Variants in MTR observed in about 807,000 individuals in gnomAD.
The protein encoded by MTR is 5-methyltetrahydrofolate-homocysteine methyltransferase, also known as methionine synthase.
In MTR, 84 loss-of-function variants were observed where a neutral mutation model predicts 154.8. That is an observed-to-expected ratio of 0.54 (90% CI 0.45 to 0.65). MTR has a LOEUF of 0.65. MTR is among the 30% of genes least tolerant of loss of function. The probability of loss-of-function intolerance (pLI) is 0.00; values close to 1 mark genes in which losing one functional copy is unlikely to be tolerated. For synonymous variants in MTR, 554 were observed against 553.9 expected, an observed-to-expected ratio of 1.00 and a Z score of 0.00; for missense variants, 1,275 against 1,570.2, an observed-to-expected ratio of 0.81 and a Z score of 3.18.
intron 5 of MTR, chr1:236,811,614 T>C: frequency 2.2e-6 from 1 of 456,274 alleles, no homozygotes; most frequent in Non-Finnish European, 4.4e-6. Context: ...CATACCAGGC[T>C]TATGTGTTGT....
At chr1:236,886,416 T>A (rs777949740) in intron 27 of MTR, 49 bp downstream of exon 27, 4 of 1,564,672 alleles carry the variant, frequency 2.6e-6, no homozygotes, top group Non-Finnish European at 3.5e-6. Context: ...TAACTGACAG[T>A]GTGCTGAGGA....
chr1:236,871,324 A>G (rs1472337679), intron 22 of MTR, among the ~76,000 whole-genome samples: 2 of 115,216 alleles, frequency 1.7e-5, no homozygotes, highest in African/African-American at 6.7e-5. Flanking sequence ...TGAACTTATC[A>G]CCCACAACTC....
At chr1:236,860,986 A>G (rs1403973588) in intron 19 of MTR, 139 bp from the exon 20 acceptor site, 1 of 690,436 alleles carries the variant, frequency 1.4e-6, no homozygotes, top group Non-Finnish European at 2.4e-6. Context: ...AGGAAGCCAG[A>G]TTGAGTCCAT....
rs1667010546 is a variant in MTR, at chr1:236,903,511, CTT to C, written c.*5870_*5871del. On this transcript the variant is annotated 3_prime_UTR_variant, in exon 33 of 33. Transcript: ENST00000366577. ...CCTTGCTTTTAAGTATTATTATAGA[CTT>C]TTGGAGACTCACGAAACAAGCAATC... 1 of 152,150 alleles carries C rather than the reference CTT, an allele frequency of 6.6e-6. No homozygotes were observed. The highest frequency in any genetic ancestry group is 1.5e-5 in the Non-Finnish European group (1 of 68,032). The allele number at this position is 152,150 out of a possible 1,614,324, so 9.4% of individuals were successfully genotyped here. A position where few individuals can be genotyped will look rare whatever the true frequency, so the allele number is the denominator to read the frequency against.
At chr1:236,852,302 T>C (rs150401726) in intron 16 of MTR, among the ~76,000 whole-genome samples, 3 of 152,140 alleles carry the variant, frequency 2.0e-5, no homozygotes, top group Non-Finnish European at 4.4e-5. Context: ...TTAGGGAGAT[T>C]GGAGTCTAGT....
intron 8 of MTR, among the ~76,000 whole-genome samples, chr1:236,817,300 T>C (rs1426303197): frequency 1.3e-5 from 2 of 151,984 alleles, no homozygotes; most frequent in Non-Finnish European, 2.9e-5. Flanking sequence ...CCCTTCCCCC[T>C]TTCCCCCCTT....
Position 236,795,504 on chromosome 1 carries a change from C to T in MTR, c.-200C>T. 6.6e-7 allele frequency: 1 copy of T among 1,522,466 alleles called. No homozygotes were observed. Among genetic ancestry groups the T allele is most frequent in the Non-Finnish European group, 8.8e-7 (1 of 1,137,984 alleles). 94.3% of individuals were successfully genotyped at this position (1,522,466 alleles called of 1,614,324 possible). ...TGCTCCAGCAGTTGCCGCGCCCAGC[C>T]CCGAGAGAGGCCCTAGGGCGCTGCG... On this transcript the variant is annotated 5_prime_UTR_variant, in exon 1 of 33. Coordinates refer to ENST00000366577, the MANE Select transcript of MTR (RefSeq NM_000254.3).
chr1:236,900,013 A>G lies in MTR; in HGVS notation c.*2369A>G, dbSNP rs1666849635. 9.1e-6 allele frequency: 2 copies of G among 219,230 alleles called. No individual in the cohort carries two copies. The highest frequency in any genetic ancestry group is 1.3e-4 in the South Asian group (2 of 15,682). 13.6% of individuals were successfully genotyped at this position (219,230 alleles called of 1,614,324 possible). A position where few individuals can be genotyped will look rare whatever the true frequency, so the allele number is the denominator to read the frequency against. ...CTGCTTTAAAAAACAATTATCCCTT[A>G]CAGACTTGAACATTTGCAGACGTTA... On this transcript the variant is annotated 3_prime_UTR_variant, in exon 33 of 33. Coordinates refer to ENST00000366577, the MANE Select transcript of MTR (RefSeq NM_000254.3).
rs377011275 is a variant in MTR, at chr1:236,881,550, G to A, written c.2676+714G>A. Among the ~76,000 whole-genome samples, 70 of 151,850 alleles carry A rather than the reference G, an allele frequency of 4.6e-4. 1 individual carries two copies. The highest frequency in any genetic ancestry group is 1.3e-4 in the Non-Finnish European group (9 of 67,958). On this transcript the variant is annotated intron_variant, in intron 25 of 32. Coordinates refer to ENST00000366577, the MANE Select transcript of MTR (RefSeq NM_000254.3). ...AAGACGTCACTTACCGTCCCATCCC[G>A]CTCCTAGTGTCCATCAAAAGAGCAC...
chr1:236,859,159 G>A (rs1257491834), intron 18 of MTR, among the ~76,000 whole-genome samples: 2 of 152,230 alleles, frequency 1.3e-5, no homozygotes, highest in African/African-American at 4.8e-5. Flanking sequence ...CAAGAGTATG[G>A]CCTTGGCCCC....
At chr1:236,852,745 A>G in intron 17 of MTR, 108 bp downstream of exon 17, 1 of 1,157,040 alleles carries the variant, frequency 8.6e-7, no homozygotes, top group Non-Finnish European at 1.3e-6. Flanking sequence ...GTTTCTGTAA[A>G]TAAGATTTTA....
intron 26 of MTR, among the ~76,000 whole-genome samples, chr1:236,886,058 G>A (rs1392547374): frequency 1.3e-5 from 2 of 152,114 alleles, no homozygotes; most frequent in African/African-American, 4.8e-5. Flanking sequence ...AACTAGGCTC[G>A]TATTTATATA....
intron 22 of MTR, among the ~76,000 whole-genome samples, chr1:236,865,121 T>G (rs1488638249): frequency 6.6e-6 from 1 of 152,250 alleles, no homozygotes; most frequent in Non-Finnish European, 1.5e-5. Flanking sequence ...AGGGTGCTAC[T>G]GGAACTGAAT....
intron 1 of MTR, among the ~76,000 whole-genome samples, chr1:236,801,325 C>T (rs1417359681): frequency 1.3e-5 from 2 of 152,076 alleles, no homozygotes; most frequent in Non-Finnish European, 1.5e-5. Context: ...AATAGTACAC[C>T]CTGAAAGAAA....
At position 236,891,330 on chromosome 1, in the gene MTR, G is replaced by A; in HGVS notation, c.3204+1G>A. The A allele has an allele frequency of 6.2e-7, 1 of 1,613,856 alleles. No individual in the cohort carries two copies. Among genetic ancestry groups the A allele is most frequent in the Non-Finnish European group, 8.5e-7 (1 of 1,179,858 alleles). Reference sequence around the variant, plus strand: ...CACCTTCTATGGGTTAAGGCAACAGGTATGGAAGGTGTACTGACAGCCAGC... The same window carrying A: ...CACCTTCTATGGGTTAAGGCAACAGATATGGAAGGTGTACTGACAGCCAGC... On this transcript the variant is annotated splice_donor_variant, in intron 29 of 32. Coordinates refer to ENST00000366577, the MANE Select transcript of MTR (RefSeq NM_000254.3). LOFTEE classifies it high-confidence loss of function.
In MTR at chr1:236,815,679, T is replaced by A; in HGVS notation, c.669+16T>A. The stretch of plus-strand genomic sequence containing the variant: ...GCCTATCTTTGTAAGTTCTAAAGTG[T>A]TTGCACAATACATTCTTTTATTAAT... On this transcript the variant is annotated intron_variant, in intron 7 of 32. Transcript: ENST00000366577. 1 of 1,561,962 alleles carries A rather than the reference T, an allele frequency of 6.4e-7. No individual in the cohort carries two copies.
rs201991154 is a variant in MTR at position 236,894,546 on chromosome 1, C to A, written c.3394C>A (p.Arg1132=). 3.7e-6 allele frequency: 6 copies of A among 1,613,868 alleles called. No homozygotes were observed. The highest frequency in any genetic ancestry group is 5.1e-6 in the Non-Finnish European group (6 of 1,180,018). The change falls in exon 30 of 33, where the codon CGG becomes AGG. Residue 1132 remains arginine, a synonymous_variant. Transcript: ENST00000366577. ...CATCATGGTCAAGGCGCTGGGGGAC[C>A]GGCTGGCAGAGGTAAGGCAGAGGCA... is the stretch of plus-strand genomic sequence containing the variant. ...SSIMVKALGD[R]LAEAFAEELH...
intron 28 of MTR, among the ~76,000 whole-genome samples, chr1:236,890,408 T>C (rs1242418799): frequency 6.6e-6 from 1 of 152,118 alleles, no homozygotes; most frequent in Non-Finnish European, 1.5e-5. Context: ...TGAAGCCACA[T>C]GTGAGGATTT....
intron 14 of MTR, among the ~76,000 whole-genome samples, chr1:236,837,362 G>A (rs1479371515): frequency 6.6e-6 from 1 of 152,204 alleles, no homozygotes; most frequent in South Asian, 2.1e-4. Context: ...GCCCTGGGAA[G>A]CTTTCCCTGG....
Sources: allele counts gnomAD v4.1 joint callset (sites outside exome capture counted in the v4.1 genomes callset), GRCh38; gene constraint gnomAD v4.1.1; transcripts MANE v1.5; gene names NCBI Gene and HGNC (gene_info 2026-07-23, HGNC 2026-07-21).